FAM20C: variants seen among roughly 807,000 people sequenced by gnomAD.
The protein encoded by FAM20C is FAM20C golgi associated secretory pathway kinase.
FAM20C carries 40 observed loss-of-function variants against 51.5 expected under a neutral mutation model. That is an observed-to-expected ratio of 0.78 (90% CI 0.60 to 1.01). The LOEUF (loss-of-function observed/expected upper bound fraction) is 1.01. FAM20C is among the 50% of genes least tolerant of loss of function. The probability of loss-of-function intolerance (pLI) is 0.00; values close to 1 mark genes in which losing one functional copy is unlikely to be tolerated. For synonymous variants in FAM20C, 406 were observed against 380.6 expected (o/e 1.07, Z -0.78); for missense variants, 861 against 844.7 (o/e 1.02, Z -0.24).
At position 259,952 on chromosome 7, in the gene FAM20C, C is replaced by G; in HGVS notation, c.1727C>G (p.Thr576Ser). 1 of 1,525,688 alleles carries G rather than the reference C, an allele frequency of 6.6e-7. No individual in the cohort carries two copies. Among genetic ancestry groups the G allele is most frequent in the Non-Finnish European group, 8.8e-7 (1 of 1,138,420 alleles). The allele number at this position is 1,525,688 out of a possible 1,614,324, so 94.5% of individuals were successfully genotyped here. A position where few individuals can be genotyped will look rare whatever the true frequency, so the allele number is the denominator to read the frequency against. Residue 576 changes from threonine (T) to serine (S), a missense_variant, in exon 10 of 10, where the codon ACT becomes AGT. Coordinates refer to ENST00000313766, the MANE Select transcript of FAM20C (RefSeq NM_020223.4). Reference protein sequence around the residue: ...LHSVVDDDLDTEHRAASAR With the variant: ...LHSVVDDDLDSEHRAASAR Reference sequence around the variant, plus strand: ...AGCGTGGTGGATGACGACCTGGACACTGAGCACAGAGCCGCCTCGGCGAGG... The same window carrying G: ...AGCGTGGTGGATGACGACCTGGACAGTGAGCACAGAGCCGCCTCGGCGAGG...
chr7:193,100 T>C lies in FAM20C; in HGVS notation c.-100T>C, dbSNP rs1785641186. 12 of 1,118,052 alleles carry C rather than the reference T, an allele frequency of 1.1e-5. No homozygotes were observed. In the South Asian group the frequency reaches 1.8e-4, roughly 16 times the overall value. 69.3% of individuals were successfully genotyped at this position (1,118,052 alleles called of 1,614,324 possible). A position where few individuals can be genotyped will look rare whatever the true frequency, so the allele number is the denominator to read the frequency against. On this transcript the variant is annotated 5_prime_UTR_variant, in exon 1 of 10. The change abolishes an upstream ATG in the 5' untranslated region. Coordinates refer to ENST00000313766, the MANE Select transcript of FAM20C (RefSeq NM_020223.4). ...GGAGCTGGTAGCCGCCCGGCACCGA[T>C]GGACCTTGACCCGCGAGGCGGCGCC...
chr7:256,160 C>A, intron 6 of FAM20C, 131 bp downstream of exon 6: 3 of 1,160,480 alleles, frequency 2.6e-6, no homozygotes, highest in Non-Finnish European at 3.5e-6. Flanking sequence ...GCGATGCTGG[C>A]CTGTGTGAGA....
intron 3 of FAM20C, among the ~76,000 whole-genome samples, chr7:210,191 C>T (rs1324362528): frequency 1.3e-5 from 2 of 152,192 alleles, no homozygotes; most frequent in African/African-American, 2.4e-5. Context: ...GGAGCTGATC[C>T]GCTGCCCCCA....
chr7:218,258 C>A (rs1787094876), intron 3 of FAM20C, among the ~76,000 whole-genome samples: 1 of 152,168 alleles, frequency 6.6e-6, no homozygotes, highest in South Asian at 2.1e-4. Flanking sequence ...GCTGTGGGGC[C>A]TTTCCGGCAG....
chr7:200,960 C>T (rs1786100649), intron 2 of FAM20C, among the ~76,000 whole-genome samples: 1 of 152,176 alleles, frequency 6.6e-6, no homozygotes, highest in Non-Finnish European at 1.5e-5. Flanking sequence ...TTCCTCAAAA[C>T]CAGGTCCCTC....
intron 3 of FAM20C, among the ~76,000 whole-genome samples, chr7:212,973 G>A (rs1051198547): frequency 2.4e-5 from 2 of 83,796 alleles, no homozygotes; most frequent in African/African-American, 3.5e-5. Flanking sequence ...CCCCTTGTCC[G>A]CCTCCAGCCC....
intron 2 of FAM20C, among the ~76,000 whole-genome samples, chr7:204,585 G>A (rs1786266503): frequency 6.6e-6 from 1 of 152,280 alleles, no homozygotes. Flanking sequence ...TGGCGCTTGA[G>A]TGGCCATCGC....
intron 3 of FAM20C, chr7:228,829 G>C (rs1481788104): frequency 2.2e-6 from 1 of 456,076 alleles, no homozygotes; most frequent in African/African-American, 2.0e-5. Context: ...CCTCCTCAAC[G>C]TGTTTGTAGT....
At chr7:227,653 C>G (rs930582843) in intron 3 of FAM20C, 1 of 152,064 alleles carries the variant, frequency 6.6e-6, no homozygotes, top group African/African-American at 2.4e-5. Context: ...TTCAGGCTAC[C>G]GGGGAGCCCG....
At chr7:217,419 T>G (rs1787047090) in intron 3 of FAM20C, among the ~76,000 whole-genome samples, 8 of 152,170 alleles carry the variant, frequency 5.3e-5, no homozygotes, top group Non-Finnish European at 7.4e-5. Context: ...CCCTTTAGGG[T>G]AGAGCTGCAT....
intron 5 of FAM20C, among the ~76,000 whole-genome samples, chr7:252,129 C>T (rs1198234338): frequency 1.3e-5 from 2 of 152,266 alleles, no homozygotes; most frequent in South Asian, 4.1e-4. Flanking sequence ...CTCCCAACCA[C>T]AGATGCCAGG....
intron 3 of FAM20C, among the ~76,000 whole-genome samples, chr7:222,985 G>T (rs564666509): frequency 6.6e-6 from 1 of 152,228 alleles, no homozygotes; most frequent in African/African-American, 2.4e-5. Context: ...TGCAGGTGCT[G>T]TGTGGGTGCA....
chr7:224,443 C>A (rs1465660860), intron 3 of FAM20C, among the ~76,000 whole-genome samples: 2 of 14,768 alleles, frequency 1.4e-4, no homozygotes, highest in Non-Finnish European at 2.6e-4. Flanking sequence ...GGTCGCACGG[C>A]GGCTGTCCCC....
At chr7:193,986 T>C (rs1785725145) in intron 1 of FAM20C, 182 bp downstream of exon 1, 1 of 969,438 alleles carries the variant, frequency 1.0e-6, no homozygotes, top group Non-Finnish European at 1.4e-6. Flanking sequence ...AACCTCCTCC[T>C]TGGGAGGGGC....
intron 5 of FAM20C, among the ~76,000 whole-genome samples, chr7:251,177 A>AGTGAGTGG (rs1788384137): frequency 1.3e-5 from 2 of 150,166 alleles, no homozygotes; most frequent in Non-Finnish European, 3.0e-5. Context: ...TCACGCCTGC[A>AGTGAGTGG]CTGAGTGGCC....
At chr7:256,474 C>T (rs550500417) in intron 6 of FAM20C, 180 bp from the exon 7 acceptor site, 89 of 615,240 alleles carry the variant, frequency 1.4e-4, no homozygotes, top group African/African-American at 7.0e-4. Flanking sequence ...CAGGGCAGAG[C>T]GGCTCCGTCC....
chr7:222,648 C>T (rs1787278114), intron 3 of FAM20C, among the ~76,000 whole-genome samples: 1 of 152,058 alleles, frequency 6.6e-6, no homozygotes. Flanking sequence ...GTGAGGGGCC[C>T]TGAGGTGCCA....
chr7:206,707 AC>A (rs1786417448), intron 2 of FAM20C, among the ~76,000 whole-genome samples: 1 of 137,818 alleles, frequency 7.3e-6, no homozygotes, highest in Non-Finnish European at 1.5e-5. Context: ...GTCCACTGTG[AC>A]GCGTCTGTCA....
chr7:250,451 C>T (rs955497158), intron 5 of FAM20C, among the ~76,000 whole-genome samples: 4 of 152,176 alleles, frequency 2.6e-5, no homozygotes, highest in Admixed American at 2.0e-4. Context: ...AGAACCTGAG[C>T]GTGGGGGTCT....
Sources: allele counts gnomAD v4.1 joint callset (sites outside exome capture counted in the v4.1 genomes callset), GRCh38; gene constraint gnomAD v4.1.1; transcripts MANE v1.5; gene names NCBI Gene and HGNC (gene_info 2026-07-23, HGNC 2026-07-21).